DLC1: variants seen among roughly 807,000 people sequenced by gnomAD.
The protein encoded by DLC1 is DLC1 Rho GTPase activating protein, also known as rho GTPase-activating protein 7.
In DLC1, 54 loss-of-function variants were observed where a neutral mutation model predicts 140.3. The observed-to-expected ratio is 0.38, with a 90% CI of 0.31 to 0.48. The LOEUF (loss-of-function observed/expected upper bound fraction) is 0.48, where lower values mean the gene tolerates loss of function less well. DLC1 is among the 20% of genes least tolerant of loss of function. DLC1 has a pLI of 0.96. For missense variants in DLC1, 2,536 were observed against 1,907.0 expected, an observed-to-expected ratio of 1.33 and a Z score of -6.14; for synonymous variants, 986 against 728.1, an observed-to-expected ratio of 1.35 and a Z score of -5.70.
chr8:13,569,934 C>T (rs777842826), intron 1 of DLC1, among the ~76,000 whole-genome samples: 48 of 152,266 alleles, frequency 3.2e-4, no homozygotes, highest in Middle Eastern at 3.4e-3. Context: ...CTATGTTGCC[C>T]AGACTGGTCT....
chr8:13,426,410 T>A (rs58403698), intron 2 of DLC1, among the ~76,000 whole-genome samples: 1,814 of 152,320 alleles, frequency 0.012, 92 homozygotes, highest in East Asian at 0.089. Context: ...ATTGTACTAG[T>A]AATTGAATAC....
chr8:13,296,236 G>A (rs923006745), intron 5 of DLC1, among the ~76,000 whole-genome samples: 25 of 152,122 alleles, frequency 1.6e-4, no homozygotes, highest in African/African-American at 4.1e-4. Flanking sequence ...AATTACAGTC[G>A]TGAGCCACCA....
intron 5 of DLC1, among the ~76,000 whole-genome samples, chr8:13,218,536 A>G (rs538435914): frequency 1.3e-5 from 2 of 152,110 alleles, no homozygotes; most frequent in South Asian, 4.1e-4. Context: ...CAGGGTTACT[A>G]GCCATTAGGG....
intron 6 of DLC1, among the ~76,000 whole-genome samples, chr8:13,113,141 C>T (rs1452166940): frequency 6.6e-6 from 1 of 152,052 alleles, no homozygotes; most frequent in Non-Finnish European, 1.5e-5. Context: ...CTTTTATTTG[C>T]CTGGACTCCT....
At chr8:13,533,728 A>C (rs73559553) in intron 1 of DLC1, among the ~76,000 whole-genome samples, 1,869 of 152,078 alleles carry the variant, frequency 0.012, 50 homozygotes, top group African/African-American at 0.042. Context: ...CCCAAATCTC[A>C]TCTTGAATGG....
chr8:13,413,821 T>C (rs1837920616), intron 2 of DLC1, among the ~76,000 whole-genome samples: 1 of 152,134 alleles, frequency 6.6e-6, no homozygotes, highest in Non-Finnish European at 1.5e-5. Context: ...TGCGGAACTC[T>C]GAGTCAGTTA....
chr8:13,393,509 C>G (rs781598752), intron 4 of DLC1, 44 bp downstream of exon 4: 1 of 1,574,130 alleles, frequency 6.4e-7, no homozygotes, highest in Admixed American at 1.9e-5. Flanking sequence ...TGATGATCAT[C>G]AACATTTACA....
chr8:13,417,863 C>G (rs1324714928), intron 2 of DLC1, among the ~76,000 whole-genome samples: 2 of 152,186 alleles, frequency 1.3e-5, no homozygotes, highest in African/African-American at 4.8e-5. Flanking sequence ...CACATCCTCT[C>G]CAGCACCTGT....
Position 13,095,174 on chromosome 8 carries a change from A to G in DLC1, c.3239T>C (p.Leu1080Pro). Residue 1080 changes from leucine (L) to proline (P), a missense_variant, in exon 11 of 18, where the codon CTG becomes CCG. Transcript: ENST00000276297. ...TCCTGTGCGCTGCACGTTGACCGTC[A>G]GTGGGACCCCAAACACACTCCGGTC... ...YKDRSVFGVP[L>P]TVNVQRTGQP... 6.2e-7 allele frequency: 1 copy of G among 1,614,252 alleles called. No homozygotes were observed. Among genetic ancestry groups the G allele is most frequent in the Non-Finnish European group, 8.5e-7 (1 of 1,180,052 alleles).
intron 2 of DLC1, among the ~76,000 whole-genome samples, chr8:13,435,921 TC>T (rs948960039): frequency 3.9e-5 from 6 of 152,210 alleles, no homozygotes; most frequent in Non-Finnish European, 7.3e-5. Flanking sequence ...ATTACTCCCA[TC>T]AGTCAGCTGC....
At chr8:13,465,874 C>T (rs1022388207) in intron 2 of DLC1, among the ~76,000 whole-genome samples, 7 of 152,278 alleles carry the variant, frequency 4.6e-5, no homozygotes, top group Non-Finnish European at 1.0e-4. Context: ...CATACCAGAA[C>T]CAGGGTTAGT....
intron 3 of DLC1, among the ~76,000 whole-genome samples, chr8:13,397,715 A>G (rs370726449): frequency 4.6e-5 from 7 of 151,994 alleles, no homozygotes; most frequent in Admixed American, 4.6e-4. Flanking sequence ...GTGCGCTTGT[A>G]TTCTCAGCAA....
intron 1 of DLC1, among the ~76,000 whole-genome samples, chr8:13,572,159 G>A (rs576624257): frequency 8.1e-5 from 12 of 148,672 alleles, no homozygotes; most frequent in East Asian, 2.0e-4. Flanking sequence ...GCACGATCTC[G>A]CCTCACTGCA....
intron 1 of DLC1, among the ~76,000 whole-genome samples, chr8:13,572,228 T>A (rs1019256858): frequency 4.6e-5 from 7 of 151,968 alleles, no homozygotes; most frequent in African/African-American, 1.7e-4. Context: ...CAGCTGGGAC[T>A]ACAGGTGCCT....
chr8:13,142,307 G>T (rs985761508), intron 5 of DLC1, among the ~76,000 whole-genome samples: 2 of 152,150 alleles, frequency 1.3e-5, no homozygotes, highest in Non-Finnish European at 2.9e-5. Flanking sequence ...AATATTTGAG[G>T]ATTTATCAGT....
intron 5 of DLC1, among the ~76,000 whole-genome samples, chr8:13,188,416 T>A (rs1826512190): frequency 3.7e-5 from 1 of 26,730 alleles, no homozygotes; most frequent in African/African-American, 1.5e-4. Flanking sequence ...CAAGACTCCG[T>A]CTCAAAAAAA....
intron 4 of DLC1, among the ~76,000 whole-genome samples, chr8:13,378,554 A>G (rs887111032): frequency 1.3e-5 from 2 of 152,156 alleles, no homozygotes; most frequent in African/African-American, 2.4e-5. Flanking sequence ...TCTTCTACAG[A>G]TACTATATAC....
At chr8:13,542,308 T>C (rs1456036445) in intron 1 of DLC1, among the ~76,000 whole-genome samples, 1 of 152,208 alleles carries the variant, frequency 6.6e-6, no homozygotes, top group Non-Finnish European at 1.5e-5. Context: ...GAAAGGACAA[T>C]TCTTTCTTCA....
chr8:13,264,052 T>TTTTATTTATGTA lies in DLC1; in HGVS notation c.1348+41216_1348+41217insTACATAAATAAA. 1.4e-5 allele frequency among the ~76,000 whole-genome samples: 2 copies of TTTTATTTATGTA among 143,094 alleles called. 1 individual carries two copies. The highest frequency in any genetic ancestry group is 1.4e-4 in the Admixed American group (2 of 14,252). 93.9% of individuals were successfully genotyped at this position (143,094 alleles called of 152,430 possible). A position where few individuals can be genotyped will look rare whatever the true frequency, so the allele number is the denominator to read the frequency against. On this transcript the variant is annotated intron_variant, in intron 5 of 17. Transcript: ENST00000276297. ...ATGACAGCAATAAGAATAAGAAGCT[T>TTTTATTTATGTA]TTTATTTATTTATTTATTTATTTAT...
Sources: allele counts gnomAD v4.1 joint callset (sites outside exome capture counted in the v4.1 genomes callset), GRCh38; gene constraint gnomAD v4.1.1; transcripts MANE v1.5; gene names NCBI Gene and HGNC (gene_info 2026-07-23, HGNC 2026-07-21).